The following EIF4G3 variants were observed in gnomAD, a reference collection of about 807,000 sequenced individuals.
EIF4G3 encodes eukaryotic translation initiation factor 4 gamma 3.
EIF4G3 carries 34 observed loss-of-function variants against 186.4 expected under a neutral mutation model. The ratio of observed to expected loss-of-function variants is 0.18; its 90% CI spans 0.14 to 0.24. The LOEUF (loss-of-function observed/expected upper bound fraction) is 0.24, where lower values mean the gene tolerates loss of function less well. Ranked by LOEUF, EIF4G3 falls within the 10% of genes least tolerant of loss-of-function variation. The pLI is 1.00. For synonymous variants in EIF4G3, 673 were observed against 679.5 expected, an observed-to-expected ratio of 0.99 and a Z score of 0.15; for missense variants, 1,536 against 1,948.5, an observed-to-expected ratio of 0.79 and a Z score of 3.99.
rs1344075416 is a variant in EIF4G3 at position 20,837,928 on chromosome 1, A to G, written c.4061+2928T>C. Among the ~76,000 whole-genome samples, 4 of 152,348 alleles carry G rather than the reference A, an allele frequency of 2.6e-5. No homozygotes were observed. In the East Asian group the frequency reaches 7.7e-4, roughly 29 times the overall value. ...TTTTACATGTCTTGGTCTAAGGTCC[A>G]AGACTGGTTAGGTCTAAGCATCGAA... On this transcript the variant is annotated intron_variant, in intron 30 of 36. Transcript: ENST00000602326.
chr1:21,115,880 A>G (rs1255308852), intron 2 of EIF4G3, among the ~76,000 whole-genome samples: 17 of 152,014 alleles, frequency 1.1e-4, no homozygotes, highest in Admixed American at 1.1e-3. Context: ...CACCATGCCC[A>G]GCTAATTTTT....
intron 15 of EIF4G3, among the ~76,000 whole-genome samples, chr1:20,900,313 A>C (rs2154556566): frequency 6.6e-6 from 1 of 152,306 alleles, no homozygotes; most frequent in Middle Eastern, 3.4e-3. Flanking sequence ...AACAAATATA[A>C]AAAGAAACAC....
chr1:21,160,874 G>C (rs1371134866), intron 2 of EIF4G3, among the ~76,000 whole-genome samples: 1 of 152,202 alleles, frequency 6.6e-6, no homozygotes, highest in Non-Finnish European at 1.5e-5. Context: ...AGTGCTGGGA[G>C]TCATGGCAGG....
chr1:20,999,247 A>C (rs963997766), intron 6 of EIF4G3: 2 of 277,266 alleles, frequency 7.2e-6, no homozygotes, highest in Non-Finnish European at 1.5e-5. Flanking sequence ...ATAGTTTTTC[A>C]GAATGATGAT....
At chr1:21,050,078 T>C (rs2094125358) in intron 4 of EIF4G3, among the ~76,000 whole-genome samples, 1 of 152,180 alleles carries the variant, frequency 6.6e-6, no homozygotes, top group Admixed American at 6.5e-5. Context: ...TAAAAATGAT[T>C]TTCATTATCA....
At chr1:20,956,650 A>G (rs987807398) in intron 12 of EIF4G3, among the ~76,000 whole-genome samples, 2 of 150,540 alleles carry the variant, frequency 1.3e-5, no homozygotes, top group Admixed American at 6.6e-5. Context: ...AGGAGAGCAC[A>G]TCAAACACCT....
chr1:21,175,926 G>A, intron 2 of EIF4G3: 1 of 206,388 alleles, frequency 4.8e-6, no homozygotes. Flanking sequence ...AGCTCTAAAA[G>A]GAAGGGGCTG....
Position 21,101,571 on chromosome 1 carries a change from A to AAAAAAAAAAAAC in EIF4G3, c.-271-12359_-271-12358insGTTTTTTTTTTT, listed in dbSNP as rs1399577854. ...GGCAACAGGGTCTCAGGAAAAAAAA[A>AAAAAAAAAAAAC]AAAACAACAAAAAAAAACCGAGGGA... On this transcript the variant is annotated intron_variant, in intron 2 of 36. Transcript: ENST00000602326. Among the ~76,000 whole-genome samples the AAAAAAAAAAAAC allele has an allele frequency of 2.2e-3, 322 of 143,136 alleles. 8 individuals are homozygous for AAAAAAAAAAAAC. Among genetic ancestry groups the AAAAAAAAAAAAC allele is most frequent in the South Asian group, 0.012 (51 of 4,370 alleles). 93.9% of individuals were successfully genotyped at this position (143,136 alleles called of 152,430 possible). A position where few individuals can be genotyped will look rare whatever the true frequency, so the allele number is the denominator to read the frequency against.
intron 27 of EIF4G3, among the ~76,000 whole-genome samples, chr1:20,852,647 G>C (rs2154550644): frequency 6.6e-6 from 1 of 152,248 alleles, no homozygotes; most frequent in South Asian, 2.1e-4. Context: ...AATTAAAAGG[G>C]AAAAGGAGAG....
chr1:20,819,889 G>C (rs1211492566), intron 33 of EIF4G3, among the ~76,000 whole-genome samples: 1 of 152,092 alleles, frequency 6.6e-6, no homozygotes, highest in Non-Finnish European at 1.5e-5. Context: ...GGAGAAGGAG[G>C]AAAGAGGAGA....
intron 2 of EIF4G3, among the ~76,000 whole-genome samples, chr1:21,098,449 G>C (rs1411128324): frequency 6.7e-6 from 1 of 148,200 alleles, no homozygotes; most frequent in African/African-American, 2.5e-5. Context: ...TGAGGTGGGA[G>C]AATCACCTGA....
intron 4 of EIF4G3, among the ~76,000 whole-genome samples, 161 bp downstream of exon 4, chr1:21,050,705 G>A (rs533460416): frequency 6.6e-6 from 1 of 152,286 alleles, no homozygotes; most frequent in South Asian, 2.1e-4. Context: ...TTTGTTAGTA[G>A]CCATCTTTAT....
chr1:20,962,637 G>A (rs765483185), intron 12 of EIF4G3, among the ~76,000 whole-genome samples: 1 of 152,118 alleles, frequency 6.6e-6, no homozygotes, highest in Non-Finnish European at 1.5e-5. Flanking sequence ...GGGTCCCATG[G>A]TGTTATTCAA....
chr1:20,984,776 G>C (rs984640432), intron 7 of EIF4G3, among the ~76,000 whole-genome samples: 3 of 151,806 alleles, frequency 2.0e-5, no homozygotes, highest in African/African-American at 7.3e-5. Context: ...TTTTAGTACA[G>C]ACAGGGTTTC....
At chr1:20,959,522 G>T (rs952086626) in intron 12 of EIF4G3, among the ~76,000 whole-genome samples, 1 of 151,458 alleles carries the variant, frequency 6.6e-6, no homozygotes, top group Non-Finnish European at 1.5e-5. Context: ...CAACAAAAAC[G>T]CAAATAAATA....
In EIF4G3 at chr1:21,063,189, G is replaced by C. The variant is rs189094414; in HGVS notation, c.-195-12195C>G. ...TCACCTCAGCCTCCTGAATAGCTGG[G>C]ACTACAGGCACATGCTACGACGCCC... On this transcript the variant is annotated intron_variant, in intron 3 of 36. Transcript: ENST00000602326. Among the ~76,000 whole-genome samples the C allele has an allele frequency of 2.0e-5, 3 of 152,230 alleles. No homozygotes were observed. The East Asian group carries it at 5.8e-4, about 29-fold the overall frequency.
chr1:20,916,688 T>G (rs576088802), intron 14 of EIF4G3, among the ~76,000 whole-genome samples: 1 of 152,162 alleles, frequency 6.6e-6, no homozygotes, highest in Non-Finnish European at 1.5e-5. Context: ...TTGGAGGGCT[T>G]AATACTCGGA....
rs188785002 is a variant in EIF4G3, at chr1:21,122,032, A to T, written c.-271-32819T>A. Reference sequence around the variant, plus strand: ...TTAGGTGGTTTTCCCAGGTTCGCACACCTGGTGAGAGTCACAGCCAAGACT... The same window carrying T: ...TTAGGTGGTTTTCCCAGGTTCGCACTCCTGGTGAGAGTCACAGCCAAGACT... On this transcript the variant is annotated intron_variant, in intron 2 of 36. Transcript: ENST00000602326. Among the ~76,000 whole-genome samples the T allele has an allele frequency of 4.6e-5, 7 of 152,278 alleles. No homozygotes were observed. In the East Asian group the frequency reaches 1.4e-3, roughly 29 times the overall value.
chr1:21,040,952 ATTTTT>A (rs112731832), intron 4 of EIF4G3, among the ~76,000 whole-genome samples: 4 of 148,186 alleles, frequency 2.7e-5, no homozygotes, highest in African/African-American at 7.4e-5. Context: ...CTCACTTCTG[ATTTTT>A]TTTTTTAACA....
Sources: gnomAD v4.1 joint callset for allele counts (sites outside exome capture counted in the v4.1 genomes callset) on GRCh38, gnomAD v4.1.1 for gene constraint, MANE v1.5 for transcripts, NCBI Gene and HGNC (gene_info 2026-07-23, HGNC 2026-07-21) for gene names.